The following USP28 variants were observed in gnomAD, a reference collection of about 807,000 sequenced individuals.
USP28 encodes the protein ubiquitin specific peptidase 28, also known as ubiquitin carboxyl-terminal hydrolase 28.
Under a neutral mutation model 145.0 loss-of-function variants are expected in USP28, and 113 were observed. That is an observed-to-expected ratio of 0.78 (90% CI 0.67 to 0.91). The LOEUF (loss-of-function observed/expected upper bound fraction) is 0.91. Among genes scored for constraint, USP28 ranks in the 40% least tolerant of loss-of-function variants. The pLI is 0.00. For synonymous variants in USP28, 447 were observed against 450.9 expected (o/e 0.99, Z 0.11); for missense variants, 1,201 against 1,289.6 (o/e 0.93, Z 1.05).
chr11:113,831,394 C>A (rs1039870507), intron 8 of USP28, among the ~76,000 whole-genome samples: 1 of 152,198 alleles, frequency 6.6e-6, no homozygotes, highest in African/African-American at 2.4e-5. Flanking sequence ...TAAATTGCTA[C>A]GTTGAGTTGC....
intron 1 of USP28, among the ~76,000 whole-genome samples, chr11:113,863,617 C>A (rs1047944237): frequency 6.9e-6 from 1 of 143,964 alleles, no homozygotes; most frequent in Non-Finnish European, 1.5e-5. Context: ...TGCGCTCCAG[C>A]CTGGCAACAG....
chr11:113,815,029 G>T, intron 14 of USP28, 145 bp downstream of exon 14: 1 of 749,142 alleles, frequency 1.3e-6, no homozygotes, highest in Non-Finnish European at 2.1e-6. Context: ...TCCAGCCTGG[G>T]TGATAGAGTG....
At chr11:113,875,530 G>A (rs1949302443) in exon 1 of USP28, 2 of 1,146,236 alleles carry the variant, frequency 1.7e-6, no homozygotes, top group African/African-American at 1.6e-5. Flanking sequence ...CGGGTCACCG[G>A]TCTCCCGCCG....
intron 1 of USP28, among the ~76,000 whole-genome samples, chr11:113,871,894 G>A (rs1395710236): frequency 6.6e-6 from 1 of 152,126 alleles, no homozygotes; most frequent in African/African-American, 2.4e-5. Flanking sequence ...TATGAGATAG[G>A]ACCAGGGGCG....
chr11:113,861,616 G>C (rs1947702470), intron 1 of USP28, among the ~76,000 whole-genome samples: 1 of 152,004 alleles, frequency 6.6e-6, no homozygotes, highest in Non-Finnish European at 1.5e-5. Flanking sequence ...AGTACAAAAG[G>C]GTATAAAATG....
At position 113,834,362 on chromosome 11, in the gene USP28, T is replaced by C. The variant is rs143210037; in HGVS notation, c.535-27A>G. Reference sequence around the variant, plus strand: ...TGAAATAAAGAAAGAAAGGGATTCATAGCCTTTCCTGAAAATAACTGCAGC... The same window carrying C: ...TGAAATAAAGAAAGAAAGGGATTCACAGCCTTTCCTGAAAATAACTGCAGC... On this transcript the variant is annotated intron_variant, in intron 5 of 24. Coordinates refer to ENST00000003302, the Ensembl canonical transcript of USP28. The C allele has an allele frequency of 4.2e-4, 632 of 1,489,714 alleles. 2 individuals carry two copies. In the African/African-American group the frequency reaches 5.1e-3, roughly 12 times the overall value. 92.3% of individuals were successfully genotyped at this position (1,489,714 alleles called of 1,614,324 possible). A position where few individuals can be genotyped will look rare whatever the true frequency, so the allele number is the denominator to read the frequency against.
intron 4 of USP28, 128 bp from the exon 5 acceptor site, chr11:113,840,885 A>G: frequency 8.5e-7 from 1 of 1,179,262 alleles, no homozygotes; most frequent in South Asian, 1.9e-5. Context: ...GATAATCCCT[A>G]GCTATATAAG....
rs773367297 is a variant in USP28 at position 113,840,694 on chromosome 11, TC to T, written c.437del (p.Gly146GlufsTer19). ...TCCAGTCATTGGGATTGGGGTTTTC[TC>T]CCCAGACTTCACAGCGTTTTCTCTT... On this transcript the variant is annotated frameshift_variant, in exon 5 of 25. Coordinates refer to ENST00000003302, the Ensembl canonical transcript of USP28. LOFTEE classifies it high-confidence loss of function. 6.2e-7 allele frequency: 1 copy of T among 1,614,224 alleles called. No individual in the cohort carries two copies. Among genetic ancestry groups the T allele is most frequent in the Non-Finnish European group, 8.5e-7 (1 of 1,180,040 alleles).
At chr11:113,845,668 G>A (rs969119952) in intron 3 of USP28, among the ~76,000 whole-genome samples, 50 of 152,196 alleles carry the variant, frequency 3.3e-4, no homozygotes, top group African/African-American at 1.2e-3. Context: ...TCAACCTCCA[G>A]GGCTCAAGGG....
intron 1 of USP28, among the ~76,000 whole-genome samples, chr11:113,863,683 C>T (rs1257946104): frequency 3.3e-5 from 5 of 151,106 alleles, no homozygotes; most frequent in Middle Eastern, 6.9e-3. Flanking sequence ...CGGTGGCTCA[C>T]GCCTGTAATC....
At chr11:113,806,661 G>T in intron 18 of USP28, 77 bp from the exon 20 acceptor site, 1 of 1,068,368 alleles carries the variant, frequency 9.4e-7, no homozygotes, top group Non-Finnish European at 1.3e-6. Flanking sequence ...AAAGCAGGCT[G>T]AACAGAGTGC....
intron 3 of USP28, among the ~76,000 whole-genome samples, chr11:113,848,252 C>T (rs1029239687): frequency 2.0e-5 from 3 of 152,166 alleles, no homozygotes; most frequent in African/African-American, 7.2e-5. Flanking sequence ...GGGAACTCTG[C>T]TGATTAACCA....
At chr11:113,875,373 C>A in intron 1 of USP28, 72 bp downstream of exon 1, 1 of 1,138,734 alleles carries the variant, frequency 8.8e-7, no homozygotes, top group Non-Finnish European at 1.1e-6. Flanking sequence ...ACCCGCAGCC[C>A]TGCAGGCCCC....
chr11:113,803,198 T>C, exon 23 of USP28: 1 of 1,614,128 alleles, frequency 6.2e-7, no homozygotes, highest in Non-Finnish European at 8.5e-7. Context: ...CACGGATTCT[T>C]TGACCCCCCG....
intron 5 of USP28, among the ~76,000 whole-genome samples, chr11:113,838,874 T>C (rs1474916661): frequency 6.6e-6 from 1 of 152,230 alleles, no homozygotes; most frequent in Non-Finnish European, 1.5e-5. Flanking sequence ...AGCAGATGTG[T>C]AGAAAGGGAG....
intron 3 of USP28, among the ~76,000 whole-genome samples, chr11:113,847,935 C>T (rs953676195): frequency 6.6e-6 from 1 of 152,084 alleles, no homozygotes; most frequent in African/African-American, 2.4e-5. Context: ...GTTCTGGAAG[C>T]CTTATTAGAT....
intron 1 of USP28, among the ~76,000 whole-genome samples, chr11:113,858,881 T>A (rs1389938750): frequency 1.3e-5 from 2 of 152,200 alleles, no homozygotes; most frequent in Non-Finnish European, 2.9e-5. Context: ...AGTGTTGGGA[T>A]TACAGGCATG....
intron 11 of USP28, among the ~76,000 whole-genome samples, chr11:113,827,014 G>A (rs1482926558): frequency 1.3e-5 from 2 of 151,934 alleles, no homozygotes; most frequent in Middle Eastern, 3.2e-3. Flanking sequence ...AAAGGAGGAG[G>A]GCTTTCACCT....
intron 3 of USP28, among the ~76,000 whole-genome samples, chr11:113,850,484 A>G (rs959489828): frequency 3.3e-5 from 5 of 152,230 alleles, no homozygotes; most frequent in African/African-American, 1.2e-4. Context: ...TTGACCGAAA[A>G]AAGTTGCAGT....
Sources: allele counts gnomAD v4.1 joint callset (sites outside exome capture counted in the v4.1 genomes callset), GRCh38; gene constraint gnomAD v4.1.1; transcripts MANE v1.5; gene names NCBI Gene and HGNC (gene_info 2026-07-23, HGNC 2026-07-21).